Variants in SYNPR observed in about 807,000 individuals in gnomAD.
SYNPR encodes the protein synaptoporin.
Under a neutral mutation model 32.9 loss-of-function variants are expected in SYNPR, and 23 were observed. The ratio of observed to expected loss-of-function variants is 0.70; its 90% CI spans 0.50 to 0.99. The LOEUF is 0.99. SYNPR is among the 50% of genes least tolerant of loss of function. SYNPR has a pLI of 0.00. For synonymous variants in SYNPR, 146 were observed against 135.9 expected (o/e 1.07, Z -0.52); for missense variants, 318 against 349.3 (o/e 0.91, Z 0.71).
intron 4 of SYNPR, among the ~76,000 whole-genome samples, chr3:63,559,784 G>T (rs1702654771): frequency 6.6e-6 from 1 of 151,698 alleles, no homozygotes; most frequent in South Asian, 2.1e-4. Flanking sequence ...CCAAACTTGG[G>T]CTTATCCCCA....
intron 2 of SYNPR, among the ~76,000 whole-genome samples, chr3:63,315,367 A>T (rs2087029472): frequency 6.6e-6 from 1 of 151,942 alleles, no homozygotes; most frequent in African/African-American, 2.4e-5. Flanking sequence ...CCATCCATGA[A>T]CATGGGATGT....
chr3:63,502,045 T>G (rs58455422), intron 3 of SYNPR, among the ~76,000 whole-genome samples: 4,176 of 152,298 alleles, frequency 0.027, 81 homozygotes, highest in East Asian at 0.051. Flanking sequence ...TTATATTGAT[T>G]ACACATAGAT....
chr3:63,258,253 T>A (rs374152837), intron 2 of SYNPR, among the ~76,000 whole-genome samples: 9 of 152,232 alleles, frequency 5.9e-5, no homozygotes, highest in East Asian at 1.9e-4. Context: ...TCCACCCCAA[T>A]TCAACAGAAT....
intron 2 of SYNPR, among the ~76,000 whole-genome samples, chr3:63,407,396 G>A (rs563025809): frequency 5.9e-5 from 9 of 152,266 alleles, no homozygotes; most frequent in Non-Finnish European, 1.0e-4. Flanking sequence ...TATAGTGGTC[G>A]AATCTGTGGA....
chr3:63,520,287 C>G (rs998589330), intron 3 of SYNPR, among the ~76,000 whole-genome samples: 1 of 152,156 alleles, frequency 6.6e-6, no homozygotes. Flanking sequence ...ATTCTGGGGT[C>G]CAGTTGGCTT....
intron 2 of SYNPR, among the ~76,000 whole-genome samples, chr3:63,363,150 C>A (rs571537631): frequency 6.6e-6 from 1 of 152,088 alleles, no homozygotes; most frequent in African/African-American, 2.4e-5. Context: ...TTACCACTTA[C>A]CTTATTGCTA....
At chr3:63,302,329 A>G (rs533500127) in intron 2 of SYNPR, among the ~76,000 whole-genome samples, 61 of 152,136 alleles carry the variant, frequency 4.0e-4, no homozygotes, top group African/African-American at 1.4e-3. Flanking sequence ...GAAGAAAACT[A>G]AACACTTTAG....
chr3:63,207,527 G>A, the SYNPR span, among the ~76,000 whole-genome samples: 2 of 152,134 alleles, frequency 1.3e-5, no homozygotes, highest in Non-Finnish European at 2.9e-5. Flanking sequence ...TATGTACTAA[G>A]AACAACTTCT....
chr3:63,330,552 C>T (rs893766951), intron 2 of SYNPR, among the ~76,000 whole-genome samples: 1 of 152,046 alleles, frequency 6.6e-6, no homozygotes, highest in Admixed American at 6.6e-5. Flanking sequence ...GACTATTTCT[C>T]TCTCAGTGTG....
chr3:63,335,068 T>C (rs1040563411), intron 2 of SYNPR, among the ~76,000 whole-genome samples: 4 of 152,118 alleles, frequency 2.6e-5, no homozygotes, highest in African/African-American at 4.8e-5. Context: ...TTAAAAGAAA[T>C]GGCAGGCCTG....
At chr3:63,327,901 T>C (rs1477179999) in intron 2 of SYNPR, among the ~76,000 whole-genome samples, 3 of 152,100 alleles carry the variant, frequency 2.0e-5, no homozygotes, top group Admixed American at 6.6e-5. Flanking sequence ...CTTTTCTGCA[T>C]GTATGTAATA....
At chr3:63,410,891 G>C (rs546246073) in intron 2 of SYNPR, among the ~76,000 whole-genome samples, 1 of 152,270 alleles carries the variant, frequency 6.6e-6, no homozygotes, top group South Asian at 2.1e-4. Flanking sequence ...AGTGTGAACA[G>C]GAAGTTGTTC....
chr3:63,513,497 A>G (rs1701736546), intron 3 of SYNPR, among the ~76,000 whole-genome samples: 1 of 152,138 alleles, frequency 6.6e-6, no homozygotes, highest in African/African-American at 2.4e-5. Flanking sequence ...GGATAGATGA[A>G]CCAAATGTAT....
intron 3 of SYNPR, among the ~76,000 whole-genome samples, chr3:63,514,945 G>A (rs1327019474): frequency 1.3e-5 from 2 of 152,180 alleles, no homozygotes; most frequent in East Asian, 1.9e-4. Context: ...CCGTTACAGA[G>A]ATAAATGTTG....
chr3:63,556,054 G>A (rs1431641953), intron 3 of SYNPR, among the ~76,000 whole-genome samples: 1 of 152,200 alleles, frequency 6.6e-6, no homozygotes, highest in Non-Finnish European at 1.5e-5. Context: ...TTTAGGAAAA[G>A]AGAACAGTCA....
chr3:63,273,793 C>A (rs2086554552), upstream of SYNPR, among the ~76,000 whole-genome samples: 1 of 152,150 alleles, frequency 6.6e-6, no homozygotes, highest in South Asian at 2.1e-4. Flanking sequence ...TTAAACTAAA[C>A]AAACATGTAT....
At chr3:63,581,653 A>G (rs957998159) in intron 4 of SYNPR, among the ~76,000 whole-genome samples, 2 of 152,088 alleles carry the variant, frequency 1.3e-5, no homozygotes, top group African/African-American at 4.8e-5. Context: ...CCAGTGTTCA[A>G]AGATATGTAT....
At chr3:63,499,748 C>CAT (rs1483595221) in intron 3 of SYNPR, among the ~76,000 whole-genome samples, 1 of 152,000 alleles carries the variant, frequency 6.6e-6, no homozygotes, top group Non-Finnish European at 1.5e-5. Context: ...TCCAAAAATA[C>CAT]CCTCATTTCT....
chr3:63,372,447 G>A (rs2087828357), intron 2 of SYNPR, among the ~76,000 whole-genome samples: 1 of 152,176 alleles, frequency 6.6e-6, no homozygotes, highest in African/African-American at 2.4e-5. Context: ...CCTGGATTGG[G>A]GAAGTAGCAA....
Sources: allele counts gnomAD v4.1 joint callset (sites outside exome capture counted in the v4.1 genomes callset), GRCh38; gene constraint gnomAD v4.1.1; transcripts MANE v1.5; gene names NCBI Gene and HGNC (gene_info 2026-07-23, HGNC 2026-07-21).